PLPPR1: variants seen among roughly 807,000 people sequenced by gnomAD.
The protein encoded by PLPPR1 is phospholipid phosphatase-related protein type 1.
In PLPPR1, 10 loss-of-function variants were observed where a neutral mutation model predicts 33.1. That is an observed-to-expected ratio of 0.30 (90% CI 0.19 to 0.51). The LOEUF is 0.51. Ranked by LOEUF, PLPPR1 falls within the 20% of genes least tolerant of loss-of-function variation. PLPPR1 has a pLI of 0.97. For synonymous variants in PLPPR1, 151 were observed against 151.0 expected (o/e 1.00, Z 0.00); for missense variants, 304 against 408.1 (o/e 0.74, Z 2.20).
chr9:101,175,667 T>C (rs1291116407), intron 1 of PLPPR1, among the ~76,000 whole-genome samples: 1 of 152,210 alleles, frequency 6.6e-6, no homozygotes, highest in African/African-American at 2.4e-5. Context: ...CCTAATGGGA[T>C]ACCTGGCATA....
At chr9:101,137,402 G>A (rs1564155073) in intron 1 of PLPPR1, among the ~76,000 whole-genome samples, 1 of 152,192 alleles carries the variant, frequency 6.6e-6, no homozygotes, top group Non-Finnish European at 1.5e-5. Flanking sequence ...TACATAGTTG[G>A]ATAGGAATCG....
chr9:101,262,046 T>C (rs16920100), intron 2 of PLPPR1, among the ~76,000 whole-genome samples: 50,470 of 151,876 alleles, frequency 0.33, 8,422 homozygotes, highest in Admixed American at 0.38. Flanking sequence ...AAAAATAGTC[T>C]CTAATTCACT....
At chr9:101,084,617 C>T (rs1012834489) in intron 1 of PLPPR1, among the ~76,000 whole-genome samples, 9 of 152,154 alleles carry the variant, frequency 5.9e-5, no homozygotes, top group Non-Finnish European at 1.3e-4. Context: ...TTCTAATGTA[C>T]GATGTGACAG....
At chr9:101,056,845 G>A (rs376734312) in intron 1 of PLPPR1, among the ~76,000 whole-genome samples, 1 of 152,128 alleles carries the variant, frequency 6.6e-6, no homozygotes. Flanking sequence ...TAGAAATGGG[G>A]ATGGAGTGGA....
chr9:101,069,894 G>A (rs1175963952), intron 1 of PLPPR1, among the ~76,000 whole-genome samples: 1 of 152,092 alleles, frequency 6.6e-6, no homozygotes, highest in Non-Finnish European at 1.5e-5. Context: ...AGGGAAAGTG[G>A]GAAGGGAAGA....
intron 3 of PLPPR1, among the ~76,000 whole-genome samples, chr9:101,283,231 A>G (rs1311145329): frequency 6.6e-6 from 1 of 152,226 alleles, no homozygotes; most frequent in East Asian, 1.9e-4. Context: ...AGCAAAAAGA[A>G]CAAATCTGGA....
chr9:101,154,733 C>T lies in PLPPR1; in HGVS notation c.-45-30717C>T, dbSNP rs1370021119. On this transcript the variant is annotated intron_variant, in intron 1 of 7. Transcript: ENST00000374874. ...AACCCAAATGTCCATCAATGATAGA[C>T]TGGATTAAGAAAATGTGGCACATAT... Among the ~76,000 whole-genome samples the T allele has an allele frequency of 3.3e-5, 5 of 151,954 alleles. 1 individual carries two copies. Among genetic ancestry groups the T allele is most frequent in the African/African-American group, 9.7e-5 (4 of 41,336 alleles).
intron 2 of PLPPR1, among the ~76,000 whole-genome samples, chr9:101,211,608 A>T (rs1295467081): frequency 6.6e-6 from 1 of 152,210 alleles, no homozygotes; most frequent in Non-Finnish European, 1.5e-5. Flanking sequence ...GAATTCTACT[A>T]GTTAGGCCCA....
intron 3 of PLPPR1, 37 bp downstream of exon 3, chr9:101,270,105 A>G (rs1426908728): frequency 2.5e-6 from 4 of 1,594,596 alleles, no homozygotes; most frequent in Non-Finnish European, 3.4e-6. Flanking sequence ...TTATTGTCAG[A>G]TACCCAAGAA....
chr9:101,078,187 G>GAAGAAGAA (rs1564138307), intron 1 of PLPPR1, among the ~76,000 whole-genome samples: 3 of 17,746 alleles, frequency 1.7e-4, no homozygotes, highest in African/African-American at 2.5e-4. Flanking sequence ...AAGAAGAAGA[G>GAAGAAGAA]GAGGGGGGGA....
At chr9:101,053,957 G>A (rs1830252587) in intron 1 of PLPPR1, among the ~76,000 whole-genome samples, 1 of 152,146 alleles carries the variant, frequency 6.6e-6, no homozygotes, top group African/African-American at 2.4e-5. Flanking sequence ...GCTGAGGTGG[G>A]CAGATCACTT....
intron 4 of PLPPR1, 44 bp from the exon 5 acceptor site, chr9:101,309,167 A>T (rs772911044): frequency 1.4e-5 from 23 of 1,605,082 alleles, no homozygotes; most frequent in Non-Finnish European, 1.7e-5. Flanking sequence ...AATGCAATTG[A>T]CAGAGTATGT....
At chr9:101,294,440 T>C (rs1307670223) in intron 4 of PLPPR1, among the ~76,000 whole-genome samples, 2 of 152,132 alleles carry the variant, frequency 1.3e-5, no homozygotes, top group African/African-American at 2.4e-5. Context: ...GAATCCTCCC[T>C]AACTCATTTT....
chr9:101,056,881 G>A (rs1830284193), intron 1 of PLPPR1, among the ~76,000 whole-genome samples: 1 of 152,074 alleles, frequency 6.6e-6, no homozygotes, highest in Non-Finnish European at 1.5e-5. Context: ...CAAAGGAGTG[G>A]TAGGGAGGGA....
chr9:101,090,249 C>T (rs1161835383), intron 1 of PLPPR1, among the ~76,000 whole-genome samples: 1 of 152,112 alleles, frequency 6.6e-6, no homozygotes, highest in African/African-American at 2.4e-5. Flanking sequence ...CAAACAAGGT[C>T]ACATTCTGAG....
At chr9:101,312,361 G>A (rs796489007) in intron 5 of PLPPR1, among the ~76,000 whole-genome samples, 46 of 152,130 alleles carry the variant, frequency 3.0e-4, no homozygotes, top group African/African-American at 9.9e-4. Context: ...TAAAATGTAC[G>A]GTCACTTACA....
intron 2 of PLPPR1, among the ~76,000 whole-genome samples, chr9:101,244,250 C>T (rs1013411868): frequency 6.6e-6 from 1 of 151,568 alleles, no homozygotes; most frequent in Non-Finnish European, 1.5e-5. Flanking sequence ...GGAATGTAAA[C>T]AGATTGAGTA....
chr9:101,317,637 G>A, intron 7 of PLPPR1, 141 bp downstream of exon 7: 5 of 848,372 alleles, frequency 5.9e-6, no homozygotes, highest in Non-Finnish European at 7.0e-6. Flanking sequence ...ACAAAAGGCA[G>A]CCTTCACTTT....
intron 4 of PLPPR1, among the ~76,000 whole-genome samples, chr9:101,294,695 C>T (rs1194208375): frequency 6.6e-6 from 1 of 152,072 alleles, no homozygotes; most frequent in African/African-American, 2.4e-5. Context: ...GAACCAAAGA[C>T]AAAAACCACA....
Sources: gnomAD v4.1 joint callset for allele counts (sites outside exome capture counted in the v4.1 genomes callset) on GRCh38, gnomAD v4.1.1 for gene constraint, MANE v1.5 for transcripts, NCBI Gene and HGNC (gene_info 2026-07-23, HGNC 2026-07-21) for gene names.